The following GALNTL6 variants were observed in gnomAD, a reference collection of about 807,000 sequenced individuals.
GALNTL6 encodes polypeptide N-acetylgalactosaminyltransferase-like 6.
GALNTL6 carries 46 observed loss-of-function variants against 73.7 expected under a neutral mutation model. That is an observed-to-expected ratio of 0.62 (90% CI 0.49 to 0.80). The LOEUF (loss-of-function observed/expected upper bound fraction) is 0.80, where lower values mean the gene tolerates loss of function less well. Among genes scored for constraint, GALNTL6 ranks in the 30% least tolerant of loss-of-function variants. GALNTL6 has a pLI of 0.00. For synonymous variants in GALNTL6, 259 were observed against 263.7 expected, an observed-to-expected ratio of 0.98 and a Z score of 0.17; for missense variants, 604 against 755.0, an observed-to-expected ratio of 0.80 and a Z score of 2.34.
intron 4 of GALNTL6, among the ~76,000 whole-genome samples, chr4:172,347,797 T>C (rs1741800486): frequency 1.3e-5 from 2 of 152,204 alleles, no homozygotes; most frequent in South Asian, 2.1e-4. Flanking sequence ...ATGAATATTG[T>C]TAAAAATAAT....
At chr4:171,980,201 A>G (rs28702744) in intron 2 of GALNTL6, among the ~76,000 whole-genome samples, 4,020 of 152,250 alleles carry the variant, frequency 0.026, 175 homozygotes, top group African/African-American at 0.092. Flanking sequence ...ATTAGAAATG[A>G]AAAAAATTAA....
At chr4:172,833,538 C>A (rs1023637155) in intron 7 of GALNTL6, among the ~76,000 whole-genome samples, 2 of 152,294 alleles carry the variant, frequency 1.3e-5, no homozygotes, top group Middle Eastern at 3.4e-3. Context: ...TGCTCTCTGC[C>A]TTTCCAAAAC....
At chr4:172,399,240 C>A (rs1743954556) in intron 5 of GALNTL6, among the ~76,000 whole-genome samples, 1 of 151,950 alleles carries the variant, frequency 6.6e-6, no homozygotes, top group African/African-American at 2.4e-5. Context: ...TTTACATATA[C>A]ATATATAACC....
At chr4:172,773,884 A>G (rs1738917187) in intron 5 of GALNTL6, among the ~76,000 whole-genome samples, 1 of 152,178 alleles carries the variant, frequency 6.6e-6, no homozygotes, top group Non-Finnish European at 1.5e-5. Flanking sequence ...ATCAAATACA[A>G]TTGGCTCAAT....
chr4:172,740,400 G>C (rs999190754), intron 5 of GALNTL6, among the ~76,000 whole-genome samples: 1 of 152,188 alleles, frequency 6.6e-6, no homozygotes, highest in Admixed American at 6.5e-5. Context: ...TTTGTGAAAA[G>C]TCATCGTGTT....
chr4:172,393,008 C>G (rs988401057), intron 5 of GALNTL6, among the ~76,000 whole-genome samples: 1 of 152,124 alleles, frequency 6.6e-6, no homozygotes, highest in African/African-American at 2.4e-5. Flanking sequence ...GGAGCACAAG[C>G]CCTATTGTGA....
chr4:172,615,812 G>C lies in GALNTL6; in HGVS notation c.554-193549G>C, dbSNP rs73869567. Among the ~76,000 whole-genome samples the C allele has an allele frequency of 8.6e-3, 1,309 of 152,138 alleles. 16 individuals carry two copies. Among genetic ancestry groups the C allele is most frequent in the African/African-American group, 0.026 (1,100 of 41,522 alleles). On this transcript the variant is annotated intron_variant, in intron 5 of 12. Coordinates refer to ENST00000506823, the MANE Select transcript of GALNTL6 (RefSeq NM_001034845.3). ...TTCATTTTTGCAGACCTTTTAATTA[G>C]ATACAGTGATCTAAAATAATCTGGT...
At chr4:172,843,971 A>G (rs907509324) in intron 7 of GALNTL6, among the ~76,000 whole-genome samples, 6 of 152,186 alleles carry the variant, frequency 3.9e-5, no homozygotes, top group African/African-American at 1.4e-4. Context: ...AGGCAGGAGA[A>G]TCGCTTGAAC....
At chr4:172,581,172 A>C (rs1402550754) in intron 5 of GALNTL6, among the ~76,000 whole-genome samples, 2 of 152,268 alleles carry the variant, frequency 1.3e-5, no homozygotes, top group African/African-American at 4.8e-5. Flanking sequence ...GATTCTCATC[A>C]TAAAGCCAGG....
In GALNTL6 at chr4:172,348,565, C is replaced by T. The variant is rs766053202; in HGVS notation, c.429C>T (p.Ser143=). 1.9e-6 allele frequency: 3 copies of T among 1,612,756 alleles called. No individual in the cohort carries two copies. In the South Asian group the frequency reaches 3.3e-5, roughly 18 times the overall value. ...ATCTGGAAAGGCTGCCAAACACCAGCATCATTATCCCATTTCATAATGAAG... is the reference window on the plus strand; with the variant it reads ...ATCTGGAAAGGCTGCCAAACACCAGTATCATTATCCCATTTCATAATGAAG... ...KMYLERLPNT[S]IIIPFHNEGW... The change falls in exon 5 of 13, where the codon AGC becomes AGT. Residue 143 remains serine, a synonymous_variant. Transcript: ENST00000506823.
At chr4:173,023,291 T>C (rs540136795) in intron 12 of GALNTL6, among the ~76,000 whole-genome samples, 1 of 152,318 alleles carries the variant, frequency 6.6e-6, no homozygotes, top group African/African-American at 2.4e-5. Flanking sequence ...TGGACTTGTT[T>C]GTATAAGTTT....
intron 10 of GALNTL6, among the ~76,000 whole-genome samples, chr4:172,977,618 A>G (rs1346087626): frequency 6.6e-6 from 1 of 151,954 alleles, no homozygotes; most frequent in Non-Finnish European, 1.5e-5. Context: ...ATACTCTGAG[A>G]GAGAGAGGAT....
At chr4:171,883,438 GCTTGTCTCCCCATGCA>G (rs1170839422) in intron 2 of GALNTL6, among the ~76,000 whole-genome samples, 1 of 152,098 alleles carries the variant, frequency 6.6e-6, no homozygotes, top group African/African-American at 2.4e-5. Flanking sequence ...TGTGCTCCCT[GCTTGTCTCCCCATGCA>G]TCAGCCTGCT....
chr4:172,726,667 C>T (rs751800172), intron 5 of GALNTL6, among the ~76,000 whole-genome samples: 1 of 152,148 alleles, frequency 6.6e-6, no homozygotes, highest in Non-Finnish European at 1.5e-5. Flanking sequence ...AAGTTCTTGA[C>T]ACATAGGGAT....
chr4:171,861,245 A>G (rs1735823598), intron 2 of GALNTL6, among the ~76,000 whole-genome samples: 2 of 152,148 alleles, frequency 1.3e-5, no homozygotes, highest in Admixed American at 1.3e-4. Context: ...CTCAAGGATC[A>G]CAGTGTGTGC....
At chr4:171,823,943 A>G (rs999055420) in intron 2 of GALNTL6, among the ~76,000 whole-genome samples, 2 of 150,898 alleles carry the variant, frequency 1.3e-5, no homozygotes, top group African/African-American at 4.8e-5. Flanking sequence ...GGATAAAGTG[A>G]TTATAATAAA....
intron 2 of GALNTL6, among the ~76,000 whole-genome samples, chr4:172,008,650 T>A (rs1740906654): frequency 4.6e-5 from 7 of 152,064 alleles, no homozygotes; most frequent in Admixed American, 2.6e-4. Context: ...CTCAAAACCG[T>A]TTTGTTTCCA....
At chr4:171,918,317 T>C (rs1021906297) in intron 2 of GALNTL6, among the ~76,000 whole-genome samples, 1 of 152,124 alleles carries the variant, frequency 6.6e-6, no homozygotes, top group Admixed American at 6.6e-5. Flanking sequence ...AAATCTCTGA[T>C]ATGTATAAAT....
intron 5 of GALNTL6, among the ~76,000 whole-genome samples, chr4:172,733,749 GTGGA>G (rs1736288576): frequency 6.6e-6 from 1 of 152,182 alleles, no homozygotes; most frequent in African/African-American, 2.4e-5. Context: ...CCCCAGCCAT[GTGGA>G]ACTGTGATTT....
Sources: allele counts gnomAD v4.1 joint callset (sites outside exome capture counted in the v4.1 genomes callset), GRCh38; gene constraint gnomAD v4.1.1; transcripts MANE v1.5; gene names NCBI Gene and HGNC (gene_info 2026-07-23, HGNC 2026-07-21).